The following ITGA10 variants were observed in gnomAD, a reference collection of about 807,000 sequenced individuals.
ITGA10 encodes the protein integrin alpha-10.
A neutral mutation model predicts 145.2 loss-of-function variants in ITGA10; 105 were observed. The ratio of observed to expected loss-of-function variants is 0.72; its 90% CI spans 0.62 to 0.85. The LOEUF (loss-of-function observed/expected upper bound fraction) is 0.85. ITGA10 is among the 40% of genes least tolerant of loss of function. The pLI, the probability that ITGA10 is intolerant of heterozygous loss-of-function variation, is 0.00. For synonymous variants in ITGA10, 506 were observed against 557.8 expected, an observed-to-expected ratio of 0.91 and a Z score of 1.31; for missense variants, 1,317 against 1,444.5, an observed-to-expected ratio of 0.91 and a Z score of 1.43.
intron 1 of ITGA10, among the ~76,000 whole-genome samples, chr1:145,909,574 ATATAAT>A (rs1381105999): frequency 1.5e-5 from 2 of 134,942 alleles, no homozygotes; most frequent in African/African-American, 5.7e-5. Context: ...TATATATAAT[ATATAAT>A]TATGTTACAT....
At position 145,900,162 on chromosome 1, in the gene ITGA10, T is replaced by A. The variant is rs146439847; in HGVS notation, c.1817A>T (p.His606Leu). The change falls in exon 15 of 30, where the codon CAT (histidine) becomes CTT (leucine). Residue 606 changes from histidine (H) to leucine (L), a missense_variant. Coordinates refer to ENST00000369304, the MANE Select transcript of ITGA10 (RefSeq NM_003637.5). ...ACTTCGGCCAAAGTAGCTGAGGGCA[T>A]GTGGCATGGAGGCAGCAGCAATCCT... ...AQRIAAASMP[H>L]ALSYFGRSVD... The A allele has an allele frequency of 7.2e-5, 117 of 1,613,864 alleles. No individual in the cohort carries two copies. The African/African-American group carries it at 1.5e-3, about 20-fold the overall frequency.
At chr1:145,902,221 T>A (rs1349164209) in intron 10 of ITGA10, 25 bp downstream of exon 10, 1 of 1,610,770 alleles carries the variant, frequency 6.2e-7, no homozygotes, top group Admixed American at 1.7e-5. Flanking sequence ...ATGGGAGAAG[T>A]AATGAAGGGG....
At chr1:145,907,198 T>C (rs782141127) in intron 2 of ITGA10, 48 bp from the exon 3 acceptor site, 2 of 1,562,884 alleles carry the variant, frequency 1.3e-6, no homozygotes, top group African/African-American at 2.7e-5. Flanking sequence ...AACATGACCC[T>C]TGACATAGGC....
At chr1:145,894,579 G>C (rs1465594744) in intron 27 of ITGA10, among the ~76,000 whole-genome samples, 1 of 152,164 alleles carries the variant, frequency 6.6e-6, no homozygotes, top group Non-Finnish European at 1.5e-5. Flanking sequence ...ATATGGGAAA[G>C]CACAACATTG....
chr1:145,897,126 T>C lies in ITGA10; in HGVS notation c.2668-39A>G, dbSNP rs890335564. ...ACACAGGGTAATGGTAGAGTCTTCC[T>C]CATGGAACAACTACAGAGGAACAGG... is the stretch of plus-strand genomic sequence containing the variant. On this transcript the variant is annotated intron_variant, in intron 21 of 29. Transcript: ENST00000369304. 12 of 1,586,938 alleles carry C rather than the reference T, an allele frequency of 7.6e-6. No individual in the cohort carries two copies. In the Middle Eastern group the frequency reaches 6.7e-4, roughly 88 times the overall value.
intron 26 of ITGA10, 72 bp from the exon 27 acceptor site, chr1:145,895,465 C>G: frequency 7.1e-7 from 1 of 1,413,628 alleles, no homozygotes. Context: ...ACCTCTAGTT[C>G]ACACAGTCTT....
intron 7 of ITGA10, among the ~76,000 whole-genome samples, chr1:145,903,831 A>G (rs1570898225): frequency 6.6e-6 from 1 of 151,964 alleles, no homozygotes. Context: ...GCCTCTGAAC[A>G]GGCATGCGCC....
chr1:145,894,659 C>G (rs968286404), intron 27 of ITGA10, among the ~76,000 whole-genome samples: 3 of 152,156 alleles, frequency 2.0e-5, no homozygotes, highest in African/African-American at 7.2e-5. Flanking sequence ...ACACTGACTC[C>G]TCACTACCTG....
chr1:145,906,683 T>C lies in ITGA10; in HGVS notation c.366+50A>G, dbSNP rs374525843. The C allele has an allele frequency of 9.2e-5, 136 of 1,477,958 alleles. No individual in the cohort carries two copies. The African/African-American group carries it at 1.8e-3, about 20-fold the overall frequency. The allele number at this position is 1,477,958 out of a possible 1,614,324, so 91.6% of individuals were successfully genotyped here. Reference sequence around the variant, plus strand: ...TTTTCCCTTACCACACTTCTCTTTTTTCTTTTATGGACCTTCAGAGACACT... The same window carrying C: ...TTTTCCCTTACCACACTTCTCTTTTCTCTTTTATGGACCTTCAGAGACACT... On this transcript the variant is annotated intron_variant, in intron 4 of 29. Transcript: ENST00000369304.
chr1:145,896,608 A>T (rs2274614), intron 23 of ITGA10, among the ~76,000 whole-genome samples, 161 bp downstream of exon 23: 2 of 152,336 alleles, frequency 1.3e-5, no homozygotes, highest in East Asian at 3.9e-4. Context: ...AAGATGCTTA[A>T]AAGGGAAGAT....
At chr1:145,898,840 T>C in intron 17 of ITGA10, 96 bp downstream of exon 17, 9 of 1,434,218 alleles carry the variant, frequency 6.3e-6, no homozygotes, top group Admixed American at 2.2e-5. Context: ...TTCCCGGCTT[T>C]GGCTTTCTTG....
intron 5 of ITGA10, 23 bp from the exon 6 acceptor site, chr1:145,904,834 G>A (rs897519869): frequency 2.4e-5 from 39 of 1,609,728 alleles, no homozygotes; most frequent in Non-Finnish European, 3.0e-5. Flanking sequence ...AGAACACTGA[G>A]GTAGAGGACA....
chr1:145,902,421 C>T, intron 9 of ITGA10, 33 bp downstream of exon 9: 1 of 1,609,598 alleles, frequency 6.2e-7, no homozygotes, highest in Admixed American at 1.7e-5. Context: ...AGAACTTCTC[C>T]CGCCCTGTCC....
rs1553747778 is a variant in ITGA10, at chr1:145,900,805, C to T, written c.1776G>A (p.Arg592=). 7 of 1,614,114 alleles carry T rather than the reference C, an allele frequency of 4.3e-6. No homozygotes were observed. Among genetic ancestry groups the T allele is most frequent in the Non-Finnish European group, 5.9e-6 (7 of 1,180,016 alleles). Residue 592 remains arginine, a synonymous_variant, in exon 14 of 30, where the codon AGG becomes AGA. Coordinates refer to ENST00000369304, the MANE Select transcript of ITGA10 (RefSeq NM_003637.5). ...YLYHGTQSGV[R]PHPAQRIAAA... ...TACTCCTGACCTGGGCAGGATGGGG[C>T]CTGACTCCACTCTGGGTTCCATGGT...
chr1:145,904,136 T>G lies in ITGA10; in HGVS notation c.674A>C (p.Lys225Thr). 1.2e-6 allele frequency: 2 copies of G among 1,614,172 alleles called. No individual in the cohort carries two copies. Among genetic ancestry groups the G allele is most frequent in the Non-Finnish European group, 1.7e-6 (2 of 1,180,026 alleles). ...CTTTGCTGCTCTCACCACTTCTTCC[T>G]TCGTTCGGAAATCTCCCAGGGACCA... ...HEWSLGDFRT[K>T]EEVVRAAKNL... Residue 225 changes from lysine (K) to threonine (T), a missense_variant, in exon 7 of 30, where the codon AAG becomes ACG. Coordinates refer to ENST00000369304, the MANE Select transcript of ITGA10 (RefSeq NM_003637.5).
At chr1:145,899,961 G>A (rs1570873193) in intron 15 of ITGA10, 96 bp downstream of exon 15, 1 of 1,309,212 alleles carries the variant, frequency 7.6e-7, no homozygotes, top group East Asian at 2.4e-5. Context: ...AGAGTAAGTT[G>A]ACCAAGAAAA....
At chr1:145,908,736 G>A (rs1459798913) in intron 1 of ITGA10, among the ~76,000 whole-genome samples, 4 of 152,062 alleles carry the variant, frequency 2.6e-5, no homozygotes, top group African/African-American at 9.7e-5. Context: ...CCCAAACCAT[G>A]CTCATTTTCA....
rs149235648 is a variant in ITGA10 at position 145,902,648 on chromosome 1, G to A, written c.910-29C>T. ...AGAGGTCATAAGATCAAGGAATGAG[G>A]CATTAGAGTTGGTACAGAACACAGC... On this transcript the variant is annotated intron_variant, in intron 8 of 29. Coordinates refer to ENST00000369304, the MANE Select transcript of ITGA10 (RefSeq NM_003637.5). 166 of 1,576,272 alleles carry A rather than the reference G, an allele frequency of 1.1e-4. No individual in the cohort carries two copies. In the African/African-American group the frequency reaches 2.0e-3, roughly 19 times the overall value.
intron 1 of ITGA10, among the ~76,000 whole-genome samples, 177 bp downstream of exon 1, chr1:145,909,786 C>G (rs1465675299): frequency 2.0e-5 from 3 of 150,412 alleles, no homozygotes; most frequent in Admixed American, 6.7e-5. Context: ...AATATTCAAA[C>G]AGTCATATGT....
Sources: gnomAD v4.1 joint callset for allele counts (sites outside exome capture counted in the v4.1 genomes callset) on GRCh38, gnomAD v4.1.1 for gene constraint, MANE v1.5 for transcripts, NCBI Gene and HGNC (gene_info 2026-07-23, HGNC 2026-07-21) for gene names.